Variants in FARP1 observed in about 807,000 individuals in gnomAD.
FARP1 encodes the protein FERM, ARHGEF and pleckstrin domain-containing protein 1.
Under a neutral mutation model 128.8 loss-of-function variants are expected in FARP1, and 52 were observed. The observed-to-expected ratio is 0.40, with a 90% CI of 0.32 to 0.51. The LOEUF is 0.51. Among genes scored for constraint, FARP1 ranks in the 20% least tolerant of loss-of-function variants. The probability of loss-of-function intolerance (pLI) is 0.45; values close to 1 mark genes in which losing one functional copy is unlikely to be tolerated. For synonymous variants in FARP1, 580 were observed against 551.8 expected, an observed-to-expected ratio of 1.05 and a Z score of -0.72; for missense variants, 1,333 against 1,367.9, an observed-to-expected ratio of 0.97 and a Z score of 0.40.
rs558536382 is a variant in FARP1 at position 98,256,255 on chromosome 13, T to C, written c.171+42842T>C. ...AAGTGAATAGGGACGTTGTGCTGTATTTTAGGTAATGAATCAGTATTTAAA... is the reference window on the plus strand; with the variant it reads ...AAGTGAATAGGGACGTTGTGCTGTACTTTAGGTAATGAATCAGTATTTAAA... On this transcript the variant is annotated intron_variant, in intron 2 of 26. Coordinates refer to ENST00000319562, the MANE Select transcript of FARP1 (RefSeq NM_005766.4). Among the ~76,000 whole-genome samples, 4 of 152,352 alleles carry C rather than the reference T, an allele frequency of 2.6e-5. No homozygotes were observed. The South Asian group carries it at 8.3e-4, about 32-fold the overall frequency.
intron 12 of FARP1, among the ~76,000 whole-genome samples, chr13:98,394,786 T>A (rs2140069733): frequency 6.6e-6 from 1 of 152,162 alleles, no homozygotes; most frequent in Non-Finnish European, 1.5e-5. Flanking sequence ...AAAATTTTTT[T>A]AATTAGCCGG....
Position 98,379,542 on chromosome 13 carries a change from C to G in FARP1, c.496+1624C>G, listed in dbSNP as rs559306346. Among the ~76,000 whole-genome samples the G allele has an allele frequency of 1.0e-3, 153 of 152,060 alleles. 1 individual carries two copies. The highest frequency in any genetic ancestry group is 3.6e-3 in the African/African-American group (150 of 41,470). On this transcript the variant is annotated intron_variant, in intron 6 of 26. Coordinates refer to ENST00000319562, the MANE Select transcript of FARP1 (RefSeq NM_005766.4). The stretch of plus-strand genomic sequence containing the variant: ...GAATAATAGAATCCTTTTCATAAGG[C>G]TGTAAAAATTAAATGGTAGCATACA...
intron 25 of FARP1, 96 bp from the exon 26 acceptor site, chr13:98,446,570 T>C: frequency 7.5e-7 from 1 of 1,330,156 alleles, no homozygotes. Context: ...GGGAGCTGCC[T>C]GGGCTCCCAA....
At chr13:98,278,137 G>C (rs1446010391) in intron 2 of FARP1, among the ~76,000 whole-genome samples, 1 of 152,044 alleles carries the variant, frequency 6.6e-6, no homozygotes, top group Non-Finnish European at 1.5e-5. Flanking sequence ...TCCACAGTGA[G>C]ACTTTAATAT....
At chr13:98,324,968 C>G (rs1887169853) in intron 2 of FARP1, among the ~76,000 whole-genome samples, 1 of 152,210 alleles carries the variant, frequency 6.6e-6, no homozygotes, top group African/African-American at 2.4e-5. Context: ...TGCCTTAATG[C>G]TCTGTTTTTT....
chr13:98,408,546 C>G (rs1385714638), intron 13 of FARP1, among the ~76,000 whole-genome samples: 2 of 152,096 alleles, frequency 1.3e-5, no homozygotes, highest in East Asian at 3.9e-4. Flanking sequence ...CTAGACTGGT[C>G]TCAAACTCCT....
chr13:98,246,301 T>C (rs1033665466), intron 2 of FARP1, among the ~76,000 whole-genome samples: 7 of 126,814 alleles, frequency 5.5e-5, no homozygotes, highest in African/African-American at 2.1e-4. Context: ...TTCACCGTGT[T>C]AGCCAGGATG....
Position 98,176,901 on chromosome 13 carries a change from A to G in FARP1, c.-24+33409A>G. The G allele has an allele frequency of 6.2e-7, 1 of 1,605,722 alleles. No homozygotes were observed. Among genetic ancestry groups the G allele is most frequent in the Non-Finnish European group, 8.5e-7 (1 of 1,179,886 alleles). ...CCTTCTCGGTGTCCTGCTCGAAGTC[A>G]GCGGTGGCCCCCATGTCCTCTGGCC... On this transcript the variant is annotated intron_variant, in intron 1 of 26. Transcript: ENST00000319562. The surrounding 1 kb of genome is among the most constrained non-coding windows in gnomAD (Gnocchi z 6.2).
At chr13:98,375,889 A>G (rs565648585) in intron 5 of FARP1, among the ~76,000 whole-genome samples, 422 of 152,240 alleles carry the variant, frequency 2.8e-3, no homozygotes, top group Non-Finnish European at 4.0e-3. Context: ...TCGGCCTCCC[A>G]AAGTGCTGGG....
At chr13:98,353,392 T>G (rs1888514570) in intron 3 of FARP1, among the ~76,000 whole-genome samples, 1 of 152,202 alleles carries the variant, frequency 6.6e-6, no homozygotes, top group Admixed American at 6.5e-5. Flanking sequence ...TATTATTACT[T>G]TTTGAAACAG....
chr13:98,256,351 C>T (rs1245489383), intron 2 of FARP1, among the ~76,000 whole-genome samples: 2 of 151,856 alleles, frequency 1.3e-5, no homozygotes, highest in African/African-American at 4.8e-5. Flanking sequence ...AATATATGTG[C>T]GATGGGGAGA....
At chr13:98,215,275 A>T (rs965950028) in intron 2 of FARP1, among the ~76,000 whole-genome samples, 7 of 152,198 alleles carry the variant, frequency 4.6e-5, no homozygotes, top group African/African-American at 1.7e-4. Flanking sequence ...GTCTGGAAGG[A>T]ACCTTTCTCA....
At chr13:98,264,492 C>T (rs564361201) in intron 2 of FARP1, among the ~76,000 whole-genome samples, 4 of 152,296 alleles carry the variant, frequency 2.6e-5, no homozygotes, top group South Asian at 4.1e-4. Flanking sequence ...GACCGACTGT[C>T]GTGGCACCAC....
chr13:98,427,286 G>T (rs559371614), intron 17 of FARP1, among the ~76,000 whole-genome samples: 1 of 152,222 alleles, frequency 6.6e-6, no homozygotes, highest in East Asian at 1.9e-4. Flanking sequence ...AGTCACTGCA[G>T]ACCGGCTTCG....
At chr13:98,168,902 AC>A (rs973817107) in intron 1 of FARP1, among the ~76,000 whole-genome samples, 6 of 152,138 alleles carry the variant, frequency 3.9e-5, no homozygotes, top group African/African-American at 1.4e-4. Context: ...CGCTGGACTC[AC>A]CCAATGTGGT....
At chr13:98,413,878 G>A (rs1421797528) in intron 16 of FARP1, among the ~76,000 whole-genome samples, 1 of 152,124 alleles carries the variant, frequency 6.6e-6, no homozygotes, top group Non-Finnish European at 1.5e-5. Flanking sequence ...AATCTTCCTG[G>A]AGGCTCAGGG....
chr13:98,165,679 TA>T (rs140355132), intron 1 of FARP1, among the ~76,000 whole-genome samples: 2,882 of 113,398 alleles, frequency 0.025, 122 homozygotes, highest in African/African-American at 0.083. Context: ...CTCTCATCAT[TA>T]AAAAAAAAAA....
rs3783008 is a variant in FARP1 at position 98,429,722 on chromosome 13, C to G, written c.1906-1321C>G. On this transcript the variant is annotated intron_variant, in intron 17 of 26. Transcript: ENST00000319562. ...GGACAGCTGTGTTTCCAGCTTTTTCCGGGGCGTGGGAGTGGAGAAGCCACT... is the reference window on the plus strand; with the variant it reads ...GGACAGCTGTGTTTCCAGCTTTTTCGGGGGCGTGGGAGTGGAGAAGCCACT... Among the ~76,000 whole-genome samples the G allele has an allele frequency of 1.7e-3, 263 of 152,046 alleles. 1 individual carries two copies. The highest frequency in any genetic ancestry group is 6.2e-3 in the African/African-American group (256 of 41,460).
intron 17 of FARP1, among the ~76,000 whole-genome samples, chr13:98,429,143 A>C (rs1239635069): frequency 6.6e-6 from 1 of 152,224 alleles, no homozygotes; most frequent in African/African-American, 2.4e-5. Context: ...AAATCAACCC[A>C]GCAGGGAGGC....
Sources: gnomAD v4.1 joint callset for allele counts (sites outside exome capture counted in the v4.1 genomes callset) on GRCh38, gnomAD v4.1.1 for gene constraint, Gnocchi (gnomAD v3.1) non-coding constraint, MANE v1.5 for transcripts, NCBI Gene and HGNC (gene_info 2026-07-23, HGNC 2026-07-21) for gene names.